Variants in ADCYAP1R1 observed in about 807,000 individuals in gnomAD.
The protein encoded by ADCYAP1R1 is pituitary adenylate cyclase-activating polypeptide type I receptor.
Under a neutral mutation model 67.6 loss-of-function variants are expected in ADCYAP1R1, and 44 were observed. The observed-to-expected ratio is 0.65, with a 90% CI of 0.51 to 0.84. ADCYAP1R1 has a LOEUF of 0.84. ADCYAP1R1 is among the 40% of genes least tolerant of loss of function. The pLI, the probability that ADCYAP1R1 is intolerant of heterozygous loss-of-function variation, is 0.00. For synonymous variants in ADCYAP1R1, 222 were observed against 219.6 expected, an observed-to-expected ratio of 1.01 and a Z score of -0.10; for missense variants, 477 against 587.9, an observed-to-expected ratio of 0.81 and a Z score of 1.95.
chr7:31,084,328 A>C, intron 7 of ADCYAP1R1, 78 bp downstream of exon 7: 1 of 1,210,830 alleles, frequency 8.3e-7, no homozygotes, highest in Non-Finnish European at 1.2e-6. Context: ...AGCATTCATG[A>C]GCACCTGCTG....
At chr7:31,066,418 C>A (rs1794741517) in intron 3 of ADCYAP1R1, among the ~76,000 whole-genome samples, 1 of 152,042 alleles carries the variant, frequency 6.6e-6, no homozygotes, top group Admixed American at 6.5e-5. Flanking sequence ...GCTGACAGGG[C>A]AAGACAGGCC....
At chr7:31,072,276 C>A (rs1795024014) in intron 3 of ADCYAP1R1, among the ~76,000 whole-genome samples, 1 of 152,286 alleles carries the variant, frequency 6.6e-6, no homozygotes, top group South Asian at 2.1e-4. Flanking sequence ...TGGAACACTG[C>A]TACCCTTAAC....
At chr7:31,087,524 G>T (rs963972972) in intron 11 of ADCYAP1R1, 103 bp from the exon 12 acceptor site, 94 of 965,056 alleles carry the variant, frequency 9.7e-5, no homozygotes, top group Non-Finnish European at 1.5e-4. Flanking sequence ...GAGAGCTGCG[G>T]TGGTGAAAGT....
intron 6 of ADCYAP1R1, among the ~76,000 whole-genome samples, chr7:31,083,235 G>A (rs1374896821): frequency 2.0e-5 from 3 of 152,270 alleles, no homozygotes; most frequent in Non-Finnish European, 2.9e-5. Flanking sequence ...GGAAAAGGGA[G>A]CTGCTTGCTC....
chr7:31,086,534 TG>T lies in ADCYAP1R1; in HGVS notation c.823+1del, dbSNP rs1417284251. The T allele has an allele frequency of 1.2e-6, 2 of 1,614,114 alleles. No homozygotes were observed. Among genetic ancestry groups the T allele is most frequent in the Middle Eastern group, 1.6e-4 (1 of 6,084 alleles). On this transcript the variant is annotated frameshift_variant and splice_region_variant, in exon 10 of 16. Transcript: ENST00000304166. LOFTEE classifies it high-confidence loss of function. This position sits in a 1 kb window ranked among gnomAD's most constrained non-coding sequence, Gnocchi z 5.0. ...RYFYWYTIIG[W>X]GTPTVCVTVW... is the part of the protein sequence containing the mutation. ...CTTCTACTGGTACACCATCATTGGCTGGGGTAGGTTCCTGGCTGTGGCTTGG... is the reference window on the plus strand; with the variant it reads ...CTTCTACTGGTACACCATCATTGGCTGGGTAGGTTCCTGGCTGTGGCTTGG...
At chr7:31,077,303 TGTG>T (rs1294752066) in intron 3 of ADCYAP1R1, among the ~76,000 whole-genome samples, 1 of 150,724 alleles carries the variant, frequency 6.6e-6, no homozygotes. Context: ...TCATGTGTGA[TGTG>T]TGTGGTATGT....
intron 3 of ADCYAP1R1, among the ~76,000 whole-genome samples, chr7:31,070,634 G>A (rs1794930881): frequency 6.6e-6 from 1 of 152,252 alleles, no homozygotes; most frequent in Non-Finnish European, 1.5e-5. Context: ...CAAGCCTGAG[G>A]AAAGGGTGGT....
chr7:31,073,879 C>T (rs966121968), intron 3 of ADCYAP1R1, among the ~76,000 whole-genome samples: 2 of 152,174 alleles, frequency 1.3e-5, no homozygotes, highest in East Asian at 1.9e-4. Flanking sequence ...AGGTTTCCCA[C>T]CTGCCCTGGT....
Position 31,106,670 on chromosome 7 carries a change from A to C in ADCYAP1R1, c.1393A>C (p.Asn465His). Residue 465 changes from asparagine to histidine, a missense_variant, in exon 16 of 16, where the codon AAT (asparagine) becomes CAT (histidine). Asn to His is a moderately conservative substitution (Grantham distance 68, BLOSUM62 1). Coordinates refer to ENST00000304166, the MANE Select transcript of ADCYAP1R1 (RefSeq NM_001118.5). ...CCGCATGTCTGGCCTCCCTGCTGAC[A>C]ATCTGGCCACCTGAGCCATGCTCCC... ...QIRMSGLPAD[N>H]LAT 6.2e-7 allele frequency: 1 copy of C among 1,609,232 alleles called. No homozygotes were observed.
At position 31,078,003 on chromosome 7, in the gene ADCYAP1R1, T is replaced by C. The variant is rs141094157; in HGVS notation, c.170T>C (p.Met57Thr). The C allele has an allele frequency of 1.9e-6, 3 of 1,610,766 alleles. No individual in the cohort carries two copies. The African/African-American group carries it at 4.0e-5, about 22-fold the overall frequency. Residue 57 changes from methionine (M) to threonine (T), a missense_variant, in exon 4 of 16, where the codon ATG becomes ACG. Met to Thr is a moderately conservative substitution (Grantham distance 81). Transcript: ENST00000304166. ...FNDSSPGCPG[M>T]WDNITCWKPA... is the part of the protein sequence containing the mutation. ...GTCTTACCCACAGGCTGTCCTGGGA[T>C]GTGGGACAACATCACGTGTTGGAAG...
intron 11 of ADCYAP1R1, 118 bp downstream of exon 11, chr7:31,087,121 C>T (rs1473962937): frequency 8.3e-7 from 1 of 1,205,000 alleles, no homozygotes; most frequent in Non-Finnish European, 1.2e-6. Flanking sequence ...ATGCCAGGCC[C>T]AGACTAAAGC....
Position 31,082,130 on chromosome 7 carries a change from TA to T in ADCYAP1R1, c.328+378del, listed in dbSNP as rs1175580991. On this transcript the variant is annotated intron_variant, in intron 6 of 15. Coordinates refer to ENST00000304166, the MANE Select transcript of ADCYAP1R1 (RefSeq NM_001118.5). ...TTAAACCCAGGTTCCTGGCAGTCTC[TA>T]ATTTATTCCGCCTGGGGTGGGGCCT... Among the ~76,000 whole-genome samples, 4 of 152,224 alleles carry T rather than the reference TA, an allele frequency of 2.6e-5. 1 individual carries two copies. Among genetic ancestry groups the T allele is most frequent in the Non-Finnish European group, 5.9e-5 (4 of 68,042 alleles).
rs1358959482 is a variant in ADCYAP1R1, at chr7:31,106,626, G to A, written c.1349G>A (p.Ser450Asn). ...GGGGGCACCCAGCTCTCCATCCTGA[G>A]CAAGAGCAGCTCCCAAATCCGCATG... ...VNGGTQLSIL[S>N]KSSSQIRMSG... The change falls in exon 16 of 16, where the codon AGC becomes AAC. Residue 450 changes from serine to asparagine, a missense_variant. By Grantham distance (46) the Ser-to-Asn change is conservative. Coordinates refer to ENST00000304166, the MANE Select transcript of ADCYAP1R1 (RefSeq NM_001118.5). 2 of 1,613,688 alleles carry A rather than the reference G, an allele frequency of 1.2e-6. No homozygotes were observed. Among genetic ancestry groups the A allele is most frequent in the Non-Finnish European group, 1.7e-6 (2 of 1,179,756 alleles).
At chr7:31,095,605 G>C in intron 13 of ADCYAP1R1, 1 of 716,224 alleles carries the variant, frequency 1.4e-6, no homozygotes, top group South Asian at 1.5e-5. Context: ...TTATGTGTGG[G>C]GCCAAGAAGC....
rs1163462630 is a variant in ADCYAP1R1, at chr7:31,087,682, G to T, written c.940G>T (p.Val314Phe). ...ALWWVIKGPV[V>F]GSIMVNFVLF... ...GTGGTGGGTGATCAAAGGCCCTGTG[G>T]TTGGCTCTATCATGGTGAGTGTCCT... The change falls in exon 12 of 16, where the codon GTT becomes TTT. Residue 314 changes from valine to phenylalanine, a missense_variant. Physicochemically the swap from Val to Phe is conservative, Grantham distance 50. Coordinates refer to ENST00000304166, the MANE Select transcript of ADCYAP1R1 (RefSeq NM_001118.5). 2 of 1,614,016 alleles carry T rather than the reference G, an allele frequency of 1.2e-6. No individual in the cohort carries two copies. Among genetic ancestry groups the T allele is most frequent in the Non-Finnish European group, 1.7e-6 (2 of 1,179,918 alleles).
intron 11 of ADCYAP1R1, 37 bp from the exon 12 acceptor site, chr7:31,087,590 A>G (rs1027981404): frequency 6.2e-7 from 1 of 1,604,978 alleles, no homozygotes; most frequent in Non-Finnish European, 8.5e-7. Context: ...CTGCCGACTC[A>G]CAGACGTGAT....
At chr7:31,071,363 C>A (rs1230610745) in intron 3 of ADCYAP1R1, among the ~76,000 whole-genome samples, 1 of 152,158 alleles carries the variant, frequency 6.6e-6, no homozygotes, top group Non-Finnish European at 1.5e-5. Flanking sequence ...ACGCAGCACT[C>A]CCCGACCCAC....
intron 6 of ADCYAP1R1, among the ~76,000 whole-genome samples, chr7:31,082,093 C>T (rs1452929298): frequency 6.6e-6 from 1 of 152,196 alleles, no homozygotes; most frequent in African/African-American, 2.4e-5. Flanking sequence ...TCACAGCTAC[C>T]TTGTGCACTT....
At chr7:31,055,848 T>C (rs1794216913) in intron 1 of ADCYAP1R1, among the ~76,000 whole-genome samples, 1 of 152,226 alleles carries the variant, frequency 6.6e-6, no homozygotes, top group Admixed American at 6.5e-5. Context: ...ATCTGTTTAA[T>C]GGGTCAGGCC....
Sources: allele counts gnomAD v4.1 joint callset (sites outside exome capture counted in the v4.1 genomes callset), GRCh38; gene constraint gnomAD v4.1.1; non-coding constraint Gnocchi (gnomAD v3.1); transcripts MANE v1.5; gene names NCBI Gene and HGNC (gene_info 2026-07-23, HGNC 2026-07-21).